GPR176: variants seen among roughly 807,000 people sequenced by gnomAD.
The protein encoded by GPR176 is G protein-coupled receptor 176, also known as G-protein coupled receptor 176.
In GPR176, 26 loss-of-function variants were observed where a neutral mutation model predicts 35.4. The ratio of observed to expected loss-of-function variants is 0.74; its 90% CI spans 0.54 to 1.02. The LOEUF (loss-of-function observed/expected upper bound fraction) is 1.02. Ranked by LOEUF, GPR176 falls within the 50% of genes least tolerant of loss-of-function variation. The pLI, the probability that GPR176 is intolerant of heterozygous loss-of-function variation, is 0.00. For synonymous variants in GPR176, 278 were observed against 271.3 expected (o/e 1.02, Z -0.24); for missense variants, 597 against 665.3 (o/e 0.90, Z 1.13).
intron 1 of GPR176, among the ~76,000 whole-genome samples, chr15:39,890,723 T>A (rs1450476395): frequency 6.6e-6 from 1 of 152,170 alleles, no homozygotes; most frequent in African/African-American, 2.4e-5. Context: ...CTGACTCCTA[T>A]CCTTTTGCCC....
intron 1 of GPR176, among the ~76,000 whole-genome samples, chr15:39,842,663 G>A (rs576012557): frequency 1.3e-5 from 2 of 152,184 alleles, no homozygotes; most frequent in Non-Finnish European, 2.9e-5. Flanking sequence ...CTATGAAGCA[G>A]GACATGGGCT....
At chr15:39,829,009 A>C in intron 1 of GPR176, 1 of 703,522 alleles carries the variant, frequency 1.4e-6, no homozygotes, top group East Asian at 2.7e-5. Flanking sequence ...TATTTGCAAG[A>C]ACTCAATGAG....
At chr15:39,880,375 T>C (rs1455894765) in intron 1 of GPR176, among the ~76,000 whole-genome samples, 1 of 152,188 alleles carries the variant, frequency 6.6e-6, no homozygotes, top group East Asian at 1.9e-4. Flanking sequence ...TGACCATTTA[T>C]TTACTGTCTG....
chr15:39,878,609 T>A (rs1045845088), intron 1 of GPR176, among the ~76,000 whole-genome samples: 2 of 152,198 alleles, frequency 1.3e-5, no homozygotes, highest in Admixed American at 6.5e-5. Flanking sequence ...CTCTTAGAGA[T>A]ACCAATTTTA....
intron 1 of GPR176, among the ~76,000 whole-genome samples, chr15:39,899,856 G>C (rs2033224278): frequency 6.6e-6 from 1 of 152,080 alleles, no homozygotes; most frequent in Non-Finnish European, 1.5e-5. Context: ...ATTCATAACT[G>C]GCTTAATGAT....
Position 39,851,495 on chromosome 15 carries a change from T to A in GPR176, c.173-44237A>T, listed in dbSNP as rs946377654. Among the ~76,000 whole-genome samples the A allele has an allele frequency of 2.6e-5, 4 of 152,254 alleles. No homozygotes were observed. In the South Asian group the frequency reaches 6.2e-4, roughly 24 times the overall value. ...TCATGTAGGTGTTTTCTTCCTGAGG[T>A]CAGACAAGGGTGCTTCACCTAGTTA... On this transcript the variant is annotated intron_variant, in intron 1 of 2. Transcript: ENST00000561100.
intron 1 of GPR176, among the ~76,000 whole-genome samples, chr15:39,822,607 C>T (rs1461427778): frequency 1.3e-5 from 2 of 152,216 alleles, no homozygotes; most frequent in Non-Finnish European, 2.9e-5. Context: ...CTTACCCTTC[C>T]TTTAAGAAAA....
At chr15:39,884,955 A>C (rs1307131973) in intron 1 of GPR176, among the ~76,000 whole-genome samples, 1 of 152,222 alleles carries the variant, frequency 6.6e-6, no homozygotes, top group East Asian at 1.9e-4. Context: ...CAAGGAGCAG[A>C]GGCTGCCACA....
chr15:39,834,757 A>T (rs1221873024), intron 1 of GPR176, among the ~76,000 whole-genome samples: 1 of 152,152 alleles, frequency 6.6e-6, no homozygotes, highest in Non-Finnish European at 1.5e-5. Context: ...GGAGATAGAG[A>T]GTAGAATGAT....
At chr15:39,865,509 T>G (rs1349227348) in intron 1 of GPR176, among the ~76,000 whole-genome samples, 2 of 151,974 alleles carry the variant, frequency 1.3e-5, no homozygotes, top group African/African-American at 4.8e-5. Flanking sequence ...TGTGTACACA[T>G]GGAGGTAGAG....
intron 1 of GPR176, among the ~76,000 whole-genome samples, chr15:39,815,628 T>C (rs1176440637): frequency 1.3e-5 from 2 of 152,172 alleles, no homozygotes; most frequent in Non-Finnish European, 2.9e-5. Flanking sequence ...ATTAAGGATA[T>C]CCCTTCTCCA....
At chr15:39,843,897 A>C (rs2030215583) in intron 1 of GPR176, among the ~76,000 whole-genome samples, 1 of 152,132 alleles carries the variant, frequency 6.6e-6, no homozygotes, top group Admixed American at 6.6e-5. Context: ...GGGGAGGCCT[A>C]TAAAGCTTAG....
chr15:39,829,504 G>T (rs373526265), intron 1 of GPR176, among the ~76,000 whole-genome samples: 4 of 152,252 alleles, frequency 2.6e-5, no homozygotes, highest in Non-Finnish European at 4.4e-5. Context: ...GAGACCATTA[G>T]TTGCTTAACA....
chr15:39,805,793 C>CTAA (rs1224316334), intron 2 of GPR176, among the ~76,000 whole-genome samples: 1 of 152,228 alleles, frequency 6.6e-6, no homozygotes, highest in Non-Finnish European at 1.5e-5. Context: ...GCAGCCCATC[C>CTAA]TAACACAGGC....
In GPR176 at chr15:39,801,093, T is replaced by C. The variant is rs924483238; in HGVS notation, c.*39A>G. The C allele has an allele frequency of 2.4e-5, 37 of 1,536,196 alleles. 1 individual carries two copies. The African/African-American group carries it at 4.5e-4, about 19-fold the overall frequency. ...GCATTCCCACACTCTGGTGGGAATATGGAAGCTCCCCGTTGCTTCCAAGAA... is the reference window on the plus strand; with the variant it reads ...GCATTCCCACACTCTGGTGGGAATACGGAAGCTCCCCGTTGCTTCCAAGAA... On this transcript the variant is annotated 3_prime_UTR_variant, in exon 3 of 3. Transcript: ENST00000561100.
At chr15:39,840,058 G>A (rs1225878045) in intron 1 of GPR176, among the ~76,000 whole-genome samples, 3 of 152,164 alleles carry the variant, frequency 2.0e-5, no homozygotes, top group East Asian at 3.9e-4. Context: ...TTCAACCATC[G>A]TGGAAGACAG....
At chr15:39,823,363 A>C (rs1366146994) in intron 1 of GPR176, among the ~76,000 whole-genome samples, 1 of 152,002 alleles carries the variant, frequency 6.6e-6, no homozygotes, top group African/African-American at 2.4e-5. Flanking sequence ...CTCCAATATT[A>C]TCCATCTCAG....
chr15:39,857,696 C>A (rs543095372), intron 1 of GPR176, among the ~76,000 whole-genome samples: 18 of 151,720 alleles, frequency 1.2e-4, no homozygotes, highest in Middle Eastern at 3.4e-3. Flanking sequence ...GGGCAGGGCG[C>A]GGTGGCTTGT....
chr15:39,906,499 C>T (rs557888504), intron 1 of GPR176, among the ~76,000 whole-genome samples: 1 of 152,320 alleles, frequency 6.6e-6, no homozygotes, highest in South Asian at 2.1e-4. Flanking sequence ...CTGCTTTTGG[C>T]CATACTTTTG....
Sources: allele counts gnomAD v4.1 joint callset (sites outside exome capture counted in the v4.1 genomes callset), GRCh38; gene constraint gnomAD v4.1.1; transcripts MANE v1.5; gene names NCBI Gene and HGNC (gene_info 2026-07-23, HGNC 2026-07-21).